PCDH15: variants seen among roughly 807,000 people sequenced by gnomAD.
PCDH15 encodes the protein protocadherin related 15, also known as protocadherin-15.
A neutral mutation model predicts 178.5 loss-of-function variants in PCDH15; 129 were observed. That is an observed-to-expected ratio of 0.72 (90% CI 0.63 to 0.84). The LOEUF is 0.84. Among genes scored for constraint, PCDH15 ranks in the 40% least tolerant of loss-of-function variants. PCDH15 has a pLI of 0.00. For synonymous variants in PCDH15, 800 were observed against 732.0 expected (o/e 1.09, Z -1.50); for missense variants, 2,230 against 2,099.9 (o/e 1.06, Z -1.21).
intron 3 of PCDH15, among the ~76,000 whole-genome samples, chr10:54,886,682 A>T (rs944186136): frequency 3.3e-5 from 5 of 152,210 alleles, no homozygotes; most frequent in African/African-American, 9.6e-5. Context: ...GAATCGCTTG[A>T]ACCCCGAAGG....
chr10:55,080,192 C>T (rs559198726), intron 2 of PCDH15, among the ~76,000 whole-genome samples: 1 of 152,102 alleles, frequency 6.6e-6, no homozygotes, highest in African/African-American at 2.4e-5. Context: ...GGGTTCCCAA[C>T]TCCTTGGCTG....
chr10:55,424,524 T>TA (rs1838704077), intron 2 of PCDH15, among the ~76,000 whole-genome samples: 1 of 152,144 alleles, frequency 6.6e-6, no homozygotes, highest in African/African-American at 2.4e-5. Context: ...ATGCCTCATC[T>TA]AATTGTAGGC....
chr10:53,955,108 TG>T (rs1181970932), intron 23 of PCDH15, among the ~76,000 whole-genome samples: 2 of 152,218 alleles, frequency 1.3e-5, no homozygotes, highest in Non-Finnish European at 2.9e-5. Flanking sequence ...GACCCGTACC[TG>T]GATTCTCACA....
chr10:55,581,065 T>C (rs953683044), intron 2 of PCDH15, among the ~76,000 whole-genome samples: 1 of 152,194 alleles, frequency 6.6e-6, no homozygotes, highest in African/African-American at 2.4e-5. Flanking sequence ...AAAAATGTAC[T>C]AAAATTTTAT....
intron 2 of PCDH15, among the ~76,000 whole-genome samples, chr10:55,140,175 G>C (rs1046855453): frequency 3.3e-5 from 5 of 151,770 alleles, no homozygotes; most frequent in Non-Finnish European, 7.4e-5. Flanking sequence ...TTTCAATTTT[G>C]TAGATTCTTT....
At position 54,476,756 on chromosome 10, in the gene PCDH15, C is replaced by T. The variant is rs1039290036; in HGVS notation, c.157+51056G>A. The stretch of plus-strand genomic sequence containing the variant: ...AGAAACCTTTTCTACACTCCAGGTT[C>T]TTTTTGTGGTCATCTGTTATTCTGT... On this transcript the variant is annotated intron_variant, in intron 3 of 37. Coordinates refer to ENST00000644397, the MANE Select transcript of PCDH15 (RefSeq NM_001384140.1). Among the ~76,000 whole-genome samples, 13 of 152,072 alleles carry T rather than the reference C, an allele frequency of 8.5e-5. No homozygotes were observed. The South Asian group carries it at 1.2e-3, about 15-fold the overall frequency.
At chr10:54,763,712 C>A (rs1448212472) in intron 1 of PCDH15, among the ~76,000 whole-genome samples, 4 of 149,422 alleles carry the variant, frequency 2.7e-5, no homozygotes, top group Non-Finnish European at 5.9e-5. Flanking sequence ...ATCAAAATAT[C>A]ACATTTACTT....
chr10:55,606,567 G>C (rs1843222428), intron 2 of PCDH15, among the ~76,000 whole-genome samples: 1 of 143,810 alleles, frequency 7.0e-6, no homozygotes, highest in African/African-American at 2.6e-5. Context: ...CAATGGAACA[G>C]AACAGAGCCC....
intron 2 of PCDH15, among the ~76,000 whole-genome samples, chr10:54,554,394 C>G (rs1034437903): frequency 2.0e-5 from 3 of 152,076 alleles, no homozygotes; most frequent in African/African-American, 4.8e-5. Flanking sequence ...CAACATATAT[C>G]GTAGGTTTCC....
chr10:54,517,692 A>G (rs1243283198), intron 3 of PCDH15, among the ~76,000 whole-genome samples: 1 of 152,182 alleles, frequency 6.6e-6, no homozygotes, highest in East Asian at 1.9e-4. Flanking sequence ...AATTGAACTC[A>G]TCTCTGCACC....
At chr10:54,663,212 A>G (rs953304550) in intron 2 of PCDH15, among the ~76,000 whole-genome samples, 4 of 151,938 alleles carry the variant, frequency 2.6e-5, no homozygotes, top group Non-Finnish European at 4.4e-5. Context: ...CAATCAGTTT[A>G]GCCAAGCAAA....
intron 1 of PCDH15, among the ~76,000 whole-genome samples, chr10:54,704,948 G>A (rs992784033): frequency 3.9e-5 from 6 of 152,190 alleles, no homozygotes; most frequent in Admixed American, 6.6e-5. Context: ...GTAGTGGACT[G>A]GATAAAGAAA....
chr10:54,098,954 T>C lies in PCDH15; in HGVS notation c.1918-8891A>G, dbSNP rs547057152. Among the ~76,000 whole-genome samples, 5 of 152,304 alleles carry C rather than the reference T, an allele frequency of 3.3e-5. No homozygotes were observed. The South Asian group carries it at 1.0e-3, about 32-fold the overall frequency. Reference sequence around the variant, plus strand: ...ATAGAAGTTTATTTGTTCTTTGTTTTAGAACTATGAAAAACTGGACACCTA... The same window carrying C: ...ATAGAAGTTTATTTGTTCTTTGTTTCAGAACTATGAAAAACTGGACACCTA... On this transcript the variant is annotated intron_variant, in intron 15 of 37. Transcript: ENST00000644397.
intron 2 of PCDH15, among the ~76,000 whole-genome samples, chr10:54,567,379 ATGT>A (rs2089196061): frequency 6.6e-6 from 1 of 152,080 alleles, no homozygotes; most frequent in South Asian, 2.1e-4. Context: ...CCTACTTTTG[ATGT>A]TGTATCCAAA....
intron 3 of PCDH15, among the ~76,000 whole-genome samples, chr10:54,513,809 A>G (rs572018909): frequency 3.7e-4 from 56 of 152,186 alleles, no homozygotes; most frequent in Non-Finnish European, 7.2e-4. Context: ...AATGCCTACT[A>G]TGTACCTGGA....
At chr10:54,277,307 G>A (rs1295818562) in intron 8 of PCDH15, among the ~76,000 whole-genome samples, 1 of 151,534 alleles carries the variant, frequency 6.6e-6, no homozygotes, top group Non-Finnish European at 1.5e-5. Context: ...TATAGTCTTA[G>A]TGATCATTGG....
chr10:54,282,136 C>A (rs115174705), intron 8 of PCDH15, among the ~76,000 whole-genome samples: 1 of 152,004 alleles, frequency 6.6e-6, no homozygotes, highest in South Asian at 2.1e-4. Context: ...ATCTAACTAG[C>A]TATATGTGAC....
chr10:53,987,314 CA>C (rs560617605), intron 21 of PCDH15, among the ~76,000 whole-genome samples: 18 of 148,222 alleles, frequency 1.2e-4, no homozygotes, highest in East Asian at 9.9e-4. Flanking sequence ...TAAGTATAAG[CA>C]AAAAAAAAGT....
chr10:54,474,738 A>T (rs2078157357), intron 3 of PCDH15, among the ~76,000 whole-genome samples: 1 of 152,026 alleles, frequency 6.6e-6, no homozygotes, highest in Non-Finnish European at 1.5e-5. Context: ...GAAGCTACAA[A>T]TGTCACATGA....
Sources: gnomAD v4.1 joint callset for allele counts (sites outside exome capture counted in the v4.1 genomes callset) on GRCh38, gnomAD v4.1.1 for gene constraint, MANE v1.5 for transcripts, NCBI Gene and HGNC (gene_info 2026-07-23, HGNC 2026-07-21) for gene names.